Variants in ZNF804B observed in about 807,000 individuals in gnomAD.
ZNF804B encodes the protein zinc finger 804B.
A neutral mutation model predicts 101.4 loss-of-function variants in ZNF804B; 80 were observed. The observed-to-expected ratio is 0.79, with a 90% CI of 0.66 to 0.95. The LOEUF is 0.95. Among genes scored for constraint, ZNF804B ranks in the 40% least tolerant of loss-of-function variants. The probability of loss-of-function intolerance (pLI) is 0.00; values close to 1 mark genes in which losing one functional copy is unlikely to be tolerated. For missense variants in ZNF804B, 1,673 were observed against 1,561.9 expected (o/e 1.07, Z -1.20); for synonymous variants, 622 against 558.8 (o/e 1.11, Z -1.59).
At chr7:89,212,175 A>C (rs932669599) in intron 1 of ZNF804B, among the ~76,000 whole-genome samples, 1 of 151,892 alleles carries the variant, frequency 6.6e-6, no homozygotes, top group African/African-American at 2.4e-5. Flanking sequence ...AATTTCCATC[A>C]GGAATTTGCT....
chr7:89,063,584 A>G (rs931421688), intron 1 of ZNF804B, among the ~76,000 whole-genome samples: 2 of 152,180 alleles, frequency 1.3e-5, no homozygotes, highest in Non-Finnish European at 2.9e-5. Context: ...GGAAGCAAAT[A>G]TAGACCACCT....
chr7:88,943,141 C>T (rs186535345), intron 1 of ZNF804B, among the ~76,000 whole-genome samples: 77 of 151,938 alleles, frequency 5.1e-4, no homozygotes, highest in Admixed American at 4.4e-3. Context: ...GCTTAGCTTT[C>T]GTGAATACGG....
At chr7:89,130,118 T>C (rs559789590) in intron 1 of ZNF804B, among the ~76,000 whole-genome samples, 125 of 151,874 alleles carry the variant, frequency 8.2e-4, no homozygotes, top group African/African-American at 2.9e-3. Flanking sequence ...CAAGAGAAAA[T>C]GAAACAGAAA....
intron 1 of ZNF804B, among the ~76,000 whole-genome samples, chr7:89,105,776 C>T (rs1295895405): frequency 6.6e-6 from 1 of 152,172 alleles, no homozygotes; most frequent in Non-Finnish European, 1.5e-5. Flanking sequence ...ATACCTCTGA[C>T]ATTCCCAGAT....
chr7:88,877,006 A>AAAAAATATATATATAT (rs1171913711), intron 1 of ZNF804B, among the ~76,000 whole-genome samples: 11 of 84,262 alleles, frequency 1.3e-4, no homozygotes, highest in African/African-American at 1.0e-3. Context: ...TTGAAAAAAA[A>AAAAAATATATATATAT]AATATATATA....
intron 1 of ZNF804B, among the ~76,000 whole-genome samples, chr7:88,799,931 C>T (rs1368897942): frequency 6.6e-6 from 1 of 152,110 alleles, no homozygotes; most frequent in Admixed American, 6.6e-5. Context: ...AGGACAGCCT[C>T]ATGAATTGGT....
At chr7:88,873,091 G>A in intron 1 of ZNF804B, among the ~76,000 whole-genome samples, 1 of 151,882 alleles carries the variant, frequency 6.6e-6, no homozygotes, top group Admixed American at 6.6e-5. Context: ...CACCAACAGT[G>A]TAAAAGTGTT....
chr7:89,003,851 G>A (rs1788326946), intron 1 of ZNF804B, among the ~76,000 whole-genome samples: 1 of 151,730 alleles, frequency 6.6e-6, no homozygotes, highest in Non-Finnish European at 1.5e-5. Flanking sequence ...ATGCCTTTAT[G>A]GTACCACTTC....
intron 1 of ZNF804B, among the ~76,000 whole-genome samples, chr7:89,120,900 T>C (rs923202659): frequency 1.3e-5 from 2 of 152,200 alleles, no homozygotes; most frequent in African/African-American, 4.8e-5. Context: ...ATGACCAACA[T>C]GCTGAGACAG....
chr7:89,113,101 G>A (rs997325977), intron 1 of ZNF804B, among the ~76,000 whole-genome samples: 38 of 152,218 alleles, frequency 2.5e-4, no homozygotes, highest in Non-Finnish European at 4.4e-4. Context: ...TGTGAATATA[G>A]AAGAAGTTGC....
At chr7:89,280,632 T>C (rs919846173) in intron 2 of ZNF804B, among the ~76,000 whole-genome samples, 2 of 152,164 alleles carry the variant, frequency 1.3e-5, no homozygotes, top group Non-Finnish European at 2.9e-5. Context: ...AACACCTCTA[T>C]GCAAATAAAC....
chr7:89,099,651 G>A (rs564539923), intron 1 of ZNF804B, among the ~76,000 whole-genome samples: 1 of 152,134 alleles, frequency 6.6e-6, no homozygotes, highest in African/African-American at 2.4e-5. Flanking sequence ...ACAATTTGGG[G>A]GTTTTTAGAG....
intron 1 of ZNF804B, among the ~76,000 whole-genome samples, chr7:88,775,077 A>C (rs926121215): frequency 1.3e-5 from 2 of 152,216 alleles, no homozygotes; most frequent in Non-Finnish European, 2.9e-5. Flanking sequence ...GAGACTAAGG[A>C]AGATAGGCAA....
rs1395824166 is a variant in ZNF804B at position 88,812,333 on chromosome 7, C to T, written c.108+52249C>T. Among the ~76,000 whole-genome samples the T allele has an allele frequency of 4.6e-5, 7 of 152,230 alleles. No homozygotes were observed. In the East Asian group the frequency reaches 5.8e-4, roughly 13 times the overall value. On this transcript the variant is annotated intron_variant, in intron 1 of 3. Transcript: ENST00000333190. ...ATTAGTGTGCACTTAACATCCATTA[C>T]GATGGCTACTATCAAAAAAACAGAA...
chr7:88,815,479 A>G (rs1219106447), intron 1 of ZNF804B, among the ~76,000 whole-genome samples: 1 of 149,886 alleles, frequency 6.7e-6, no homozygotes, highest in Non-Finnish European at 1.5e-5. Flanking sequence ...ATTAGAATAT[A>G]TTATATATAT....
chr7:89,297,125 G>C (rs1343223051), intron 2 of ZNF804B, among the ~76,000 whole-genome samples: 2 of 152,070 alleles, frequency 1.3e-5, no homozygotes, highest in East Asian at 3.9e-4. Flanking sequence ...GATGTGTTCT[G>C]CCTGACCAGG....
intron 1 of ZNF804B, among the ~76,000 whole-genome samples, chr7:88,782,346 C>T (rs112423812): frequency 0.011 from 1,604 of 152,090 alleles, 19 homozygotes; most frequent in Non-Finnish European, 0.016. Context: ...AAGCCTTTCT[C>T]GTACAGCACT....
At chr7:89,233,365 G>T (rs1272539535) in intron 2 of ZNF804B, among the ~76,000 whole-genome samples, 2 of 152,132 alleles carry the variant, frequency 1.3e-5, no homozygotes, top group East Asian at 1.9e-4. Context: ...ACATGTGGTT[G>T]TCTGACTTAG....
At chr7:89,096,209 C>G (rs546933259) in intron 1 of ZNF804B, among the ~76,000 whole-genome samples, 1 of 150,828 alleles carries the variant, frequency 6.6e-6, no homozygotes, top group South Asian at 2.1e-4. Flanking sequence ...ATGGATCAAT[C>G]TATGGTGTGA....
Sources: gnomAD v4.1 joint callset for allele counts (sites outside exome capture counted in the v4.1 genomes callset) on GRCh38, gnomAD v4.1.1 for gene constraint, MANE v1.5 for transcripts, NCBI Gene and HGNC (gene_info 2026-07-23, HGNC 2026-07-21) for gene names.